WWOX: variants seen among roughly 807,000 people sequenced by gnomAD.
WWOX encodes WW domain containing oxidoreductase.
A neutral mutation model predicts 46.2 loss-of-function variants in WWOX; 69 were observed. The ratio of observed to expected loss-of-function variants is 1.49; its 90% CI spans 1.23 to 1.82. WWOX has a LOEUF of 1.82. WWOX is among the 40% of genes most tolerant of loss of function. The probability of loss-of-function intolerance (pLI) is 0.00; values close to 1 mark genes in which losing one functional copy is unlikely to be tolerated. For synonymous variants in WWOX, 359 were observed against 202.6 expected (o/e 1.77, Z -6.56); for missense variants, 919 against 542.6 (o/e 1.69, Z -6.89).
At chr16:78,189,017 G>C (rs2035797822) in intron 5 of WWOX, among the ~76,000 whole-genome samples, 1 of 152,178 alleles carries the variant, frequency 6.6e-6, no homozygotes, top group East Asian at 1.9e-4. Flanking sequence ...TGGAGGTGCA[G>C]GCAGAGTCAA....
chr16:78,688,516 C>G (rs2047913508), intron 8 of WWOX, among the ~76,000 whole-genome samples: 1 of 152,154 alleles, frequency 6.6e-6, no homozygotes, highest in Non-Finnish European at 1.5e-5. Context: ...CATTATATCA[C>G]CTTTACACCC....
At chr16:78,822,452 C>T (rs73577436) in intron 8 of WWOX, among the ~76,000 whole-genome samples, 6 of 151,020 alleles carry the variant, frequency 4.0e-5, no homozygotes, top group Non-Finnish European at 5.9e-5. Flanking sequence ...TGAGACTGCG[C>T]CAGTGTACTC....
rs113717864 is a variant in WWOX at position 78,788,020 on chromosome 16, G to C, written c.1056+355268G>C. ...TGGCTTTTGTTGTTGAGTTGTAAAAGTTGTTTATATATTTTGGATACTAGA... is the reference window on the plus strand; with the variant it reads ...TGGCTTTTGTTGTTGAGTTGTAAAACTTGTTTATATATTTTGGATACTAGA... On this transcript the variant is annotated intron_variant, in intron 8 of 8. Coordinates refer to ENST00000566780, the MANE Select transcript of WWOX (RefSeq NM_016373.4). Among the ~76,000 whole-genome samples, 504 of 152,234 alleles carry C rather than the reference G, an allele frequency of 3.3e-3. 3 individuals are homozygous for C. Among genetic ancestry groups the C allele is most frequent in the Non-Finnish European group, 5.6e-3 (380 of 68,004 alleles).
At chr16:78,302,689 C>T (rs1035528512) in intron 5 of WWOX, among the ~76,000 whole-genome samples, 17 of 152,174 alleles carry the variant, frequency 1.1e-4, no homozygotes, top group African/African-American at 3.9e-4. Context: ...CTCCACCATA[C>T]CTTATTGTCT....
rs111385184 is a variant in WWOX, at chr16:78,544,993, T to G, written c.1056+112241T>G. On this transcript the variant is annotated intron_variant, in intron 8 of 8. Coordinates refer to ENST00000566780, the MANE Select transcript of WWOX (RefSeq NM_016373.4). ...GGAGTTAAAGACCAGCCTGGGCACA[T>G]AGTGAGACACCAGCTTTACAAAAGA... Among the ~76,000 whole-genome samples, 41 of 152,190 alleles carry G rather than the reference T, an allele frequency of 2.7e-4. 1 individual carries two copies. Among genetic ancestry groups the G allele is most frequent in the African/African-American group, 9.6e-4 (40 of 41,530 alleles).
chr16:78,698,035 CTTATAAA>C (rs1200506123), intron 8 of WWOX, among the ~76,000 whole-genome samples: 1 of 152,122 alleles, frequency 6.6e-6, no homozygotes, highest in Non-Finnish European at 1.5e-5. Context: ...TTTCAAAGGG[CTTATAAA>C]TTATAAATGC....
chr16:79,130,448 T>A (rs896070480), intron 8 of WWOX, among the ~76,000 whole-genome samples: 2 of 152,182 alleles, frequency 1.3e-5, no homozygotes, highest in African/African-American at 4.8e-5. Flanking sequence ...GGGTCAGTTC[T>A]ACGTAAAAAC....
In WWOX at chr16:78,735,261, G is replaced by A. The variant is rs374025645; in HGVS notation, c.1056+302509G>A. Among the ~76,000 whole-genome samples the A allele has an allele frequency of 3.4e-4, 52 of 152,148 alleles. 1 individual carries two copies. In the South Asian group the frequency reaches 3.7e-3, roughly 11 times the overall value. ...GGAGTTGGACTGAAACTACACATCA[G>A]TTCTCCTGGCTCTCCACCTTGCCTA... On this transcript the variant is annotated intron_variant, in intron 8 of 8. Transcript: ENST00000566780.
At chr16:78,975,639 G>A (rs535438212) in intron 8 of WWOX, among the ~76,000 whole-genome samples, 41 of 152,016 alleles carry the variant, frequency 2.7e-4, no homozygotes, top group East Asian at 5.8e-4. Context: ...CCCAACTGTC[G>A]TCCCTCAAAA....
At chr16:78,827,839 C>G (rs1419787164) in intron 8 of WWOX, among the ~76,000 whole-genome samples, 1 of 151,848 alleles carries the variant, frequency 6.6e-6, no homozygotes. Flanking sequence ...GACACCATTT[C>G]AGAGAAAAAC....
At chr16:78,442,742 G>A (rs2083471702) in intron 8 of WWOX, among the ~76,000 whole-genome samples, 1 of 152,200 alleles carries the variant, frequency 6.6e-6, no homozygotes, top group East Asian at 1.9e-4. Context: ...CACTTTGGGA[G>A]GCTGAGGCGG....
chr16:78,431,184 C>G (rs1033100566), intron 7 of WWOX, among the ~76,000 whole-genome samples: 2 of 152,196 alleles, frequency 1.3e-5, no homozygotes, highest in Admixed American at 1.3e-4. Context: ...TGTTTAACGA[C>G]TCCGTCAGAC....
intron 8 of WWOX, among the ~76,000 whole-genome samples, chr16:78,636,766 T>G (rs1037326879): frequency 2.0e-5 from 3 of 151,954 alleles, no homozygotes; most frequent in Admixed American, 2.0e-4. Flanking sequence ...TGCTCTGGAG[T>G]CATGTGTTTG....
At chr16:79,122,479 C>G (rs1292317473) in intron 8 of WWOX, among the ~76,000 whole-genome samples, 1 of 152,006 alleles carries the variant, frequency 6.6e-6, no homozygotes, top group Non-Finnish European at 1.5e-5. Flanking sequence ...TTCTTTCCTT[C>G]TCTTGCTATT....
intron 5 of WWOX, among the ~76,000 whole-genome samples, chr16:78,311,302 A>G (rs180820969): frequency 5.4e-4 from 83 of 152,324 alleles, no homozygotes; most frequent in African/African-American, 1.9e-3. Context: ...ATATAAACAA[A>G]TTCCTTTCTT....
intron 5 of WWOX, among the ~76,000 whole-genome samples, chr16:78,278,968 G>C (rs1465061183): frequency 1.3e-5 from 2 of 152,058 alleles, no homozygotes; most frequent in Non-Finnish European, 2.9e-5. Context: ...AAAAACACTA[G>C]TCCATCTCTA....
chr16:78,479,734 G>A (rs539923781), intron 8 of WWOX, among the ~76,000 whole-genome samples: 1 of 152,328 alleles, frequency 6.6e-6, no homozygotes, highest in East Asian at 1.9e-4. Context: ...TATAGTGACA[G>A]CCTCTGGCCT....
In WWOX at chr16:78,350,418, C is replaced by G. The variant is rs879297587; in HGVS notation, c.517-36442C>G. Among the ~76,000 whole-genome samples the G allele has an allele frequency of 3.3e-5, 4 of 121,064 alleles. 1 individual carries two copies. The highest frequency in any genetic ancestry group is 8.0e-5 in the Admixed American group (1 of 12,440). The allele number at this position is 121,064 out of a possible 152,430, so 79.4% of individuals were successfully genotyped here. On this transcript the variant is annotated intron_variant, in intron 5 of 8. Coordinates refer to ENST00000566780, the MANE Select transcript of WWOX (RefSeq NM_016373.4). Reference sequence around the variant, plus strand: ...ATTTTCATTTTCCCAAAAAGAAACCCTTGACTGGCATCCTTTTCCCCACTT... The same window carrying G: ...ATTTTCATTTTCCCAAAAAGAAACCGTTGACTGGCATCCTTTTCCCCACTT...
At chr16:78,628,681 G>A (rs1200311598) in intron 8 of WWOX, among the ~76,000 whole-genome samples, 2 of 151,858 alleles carry the variant, frequency 1.3e-5, no homozygotes, top group African/African-American at 2.4e-5. Flanking sequence ...TGGTCACTCC[G>A]TGCTTTGTGA....
Sources: gnomAD v4.1 joint callset for allele counts (sites outside exome capture counted in the v4.1 genomes callset) on GRCh38, gnomAD v4.1.1 for gene constraint, MANE v1.5 for transcripts, NCBI Gene and HGNC (gene_info 2026-07-23, HGNC 2026-07-21) for gene names.